Variants in DIAPH2 observed in about 807,000 individuals in gnomAD.
DIAPH2 encodes diaphanous related formin 2.
In DIAPH2, 35 loss-of-function variants were observed where a neutral mutation model predicts 92.7. The ratio of observed to expected loss-of-function variants is 0.38; its 90% CI spans 0.29 to 0.50. The LOEUF (loss-of-function observed/expected upper bound fraction) is 0.50, where lower values mean the gene tolerates loss of function less well. Among genes scored for constraint, DIAPH2 ranks in the 20% least tolerant of loss-of-function variants. The pLI is 0.94. For missense variants in DIAPH2, 701 were observed against 819.5 expected (o/e 0.86, Z 1.77); for synonymous variants, 301 against 280.4 (o/e 1.07, Z -0.73).
chrX:97,022,448 T>C (rs2066304660), intron 17 of DIAPH2, among the ~76,000 whole-genome samples: 1 of 112,066 alleles, frequency 8.9e-6, no homozygotes, highest in Admixed American at 9.5e-5. Flanking sequence ...CTGCATTAAT[T>C]CTCCAGGTAG....
At chrX:97,561,138 G>A (rs1286773091) in intron 26 of DIAPH2, among the ~76,000 whole-genome samples, 1 of 112,164 alleles carries the variant, frequency 8.9e-6, no homozygotes, top group African/African-American at 3.2e-5. Flanking sequence ...CGTATTTAAT[G>A]ATGTGTGTCA....
chrX:97,450,883 C>CTT (rs35721417), intron 26 of DIAPH2, among the ~76,000 whole-genome samples: 1,462 of 94,526 alleles, frequency 0.015, 31 homozygotes, highest in African/African-American at 0.049. Context: ...CAATGGGCTA[C>CTT]TTTTTTTTTT....
At chrX:96,967,424 A>ATTCATTCAT (rs1400696807) in intron 17 of DIAPH2, among the ~76,000 whole-genome samples, 11 of 109,154 alleles carry the variant, frequency 1.0e-4, no homozygotes, top group Admixed American at 2.0e-4. Flanking sequence ...TCATTCATTC[A>ATTCATTCAT]TTTATTCATT....
At chrX:97,515,422 G>T (rs976424461) in intron 26 of DIAPH2, among the ~76,000 whole-genome samples, 3 of 112,238 alleles carry the variant, frequency 2.7e-5, no homozygotes, top group African/African-American at 9.7e-5. Context: ...GCACTCCCTA[G>T]TGAGATGAAC....
At chrX:97,582,628 TTG>T (rs2071448376) in intron 26 of DIAPH2, among the ~76,000 whole-genome samples, 1 of 107,844 alleles carries the variant, frequency 9.3e-6, no homozygotes, top group Non-Finnish European at 1.9e-5. Flanking sequence ...CATTTCAGCT[TTG>T]GTGAATCTGA....
chrX:97,281,729 G>T (rs2068498368), intron 23 of DIAPH2, among the ~76,000 whole-genome samples: 1 of 106,988 alleles, frequency 9.3e-6, no homozygotes, highest in Non-Finnish European at 1.9e-5. Context: ...GGGCAACAAA[G>T]TGAGACTCCG....
intron 22 of DIAPH2, among the ~76,000 whole-genome samples, chrX:97,227,608 T>C (rs1602431505): frequency 1.8e-5 from 2 of 112,181 alleles, no homozygotes; most frequent in South Asian, 7.5e-4. Flanking sequence ...TGAAGACTTA[T>C]CTCAAACAGG....
chrX:97,260,302 A>G (rs1483068221), intron 23 of DIAPH2, among the ~76,000 whole-genome samples: 1 of 112,831 alleles, frequency 8.9e-6, no homozygotes, highest in Non-Finnish European at 1.9e-5. Context: ...GCTAAAAGAG[A>G]TAGACATTCA....
chrX:96,830,700 T>C (rs1292090691), intron 4 of DIAPH2, among the ~76,000 whole-genome samples: 1 of 109,892 alleles, frequency 9.1e-6, no homozygotes, highest in Non-Finnish European at 1.9e-5. Context: ...AAAAAGGATT[T>C]AACTTCAAAC....
intron 3 of DIAPH2, among the ~76,000 whole-genome samples, chrX:96,754,923 CAAAAA>C (rs1007573600): frequency 1.2e-4 from 2 of 16,007 alleles, no homozygotes; most frequent in Non-Finnish European, 2.1e-4. Flanking sequence ...GTCTCCACCT[CAAAAA>C]AAAAAAAAAA....
chrX:97,264,724 G>A (rs1326403154), intron 23 of DIAPH2, among the ~76,000 whole-genome samples: 3 of 112,097 alleles, frequency 2.7e-5, no homozygotes, highest in Non-Finnish European at 5.6e-5. Flanking sequence ...AGTGGCTCAC[G>A]CCTGTAATGC....
chrX:96,972,740 G>A (rs1285765748), intron 17 of DIAPH2, among the ~76,000 whole-genome samples: 1 of 111,049 alleles, frequency 9.0e-6, no homozygotes, highest in Admixed American at 9.6e-5. Context: ...TTAGAGTTGG[G>A]ACTTGAAATT....
intron 22 of DIAPH2, among the ~76,000 whole-genome samples, chrX:97,176,770 G>A (rs1322541476): frequency 1.8e-5 from 2 of 111,182 alleles, no homozygotes; most frequent in Middle Eastern, 4.7e-3. Context: ...CTCGTGATCC[G>A]CCTGCCTCGG....
intron 22 of DIAPH2, among the ~76,000 whole-genome samples, chrX:97,226,374 G>A (rs868657648): frequency 1.9e-5 from 2 of 105,553 alleles, no homozygotes; most frequent in African/African-American, 7.9e-5. Flanking sequence ...ATTTTGTTTT[G>A]TTTTGTTTTG....
In DIAPH2 at chrX:97,560,799, T is replaced by C. The variant is rs966419218; in HGVS notation, c.3242-38454T>C. On this transcript the variant is annotated intron_variant, in intron 26 of 26. Coordinates refer to ENST00000324765, the MANE Select transcript of DIAPH2 (RefSeq NM_006729.5). ...TGAGCCACCGTGCCCAGCCCAAATG[T>C]GTCATTTTAGATTTCACTTTCTTCT... Among the ~76,000 whole-genome samples the C allele has an allele frequency of 5.3e-5, 6 of 112,677 alleles. 1 individual carries two copies. The highest frequency in any genetic ancestry group is 2.8e-4 in the Admixed American group (3 of 10,703).
intron 17 of DIAPH2, among the ~76,000 whole-genome samples, chrX:97,055,571 G>A (rs1387200218): frequency 9.0e-6 from 1 of 111,016 alleles, no homozygotes; most frequent in Non-Finnish European, 1.9e-5. Context: ...CAACCCAGAG[G>A]GAAAAACCTG....
intron 3 of DIAPH2, among the ~76,000 whole-genome samples, chrX:96,756,808 C>T (rs1364593147): frequency 9.1e-6 from 1 of 110,309 alleles, no homozygotes; most frequent in African/African-American, 3.3e-5. Flanking sequence ...TCTAGTTATC[C>T]TAGTAGAAGT....
chrX:96,826,244 C>T (rs975905376), intron 4 of DIAPH2, among the ~76,000 whole-genome samples: 34 of 109,900 alleles, frequency 3.1e-4, no homozygotes, highest in Admixed American at 1.8e-3. Flanking sequence ...TGGTGAAACC[C>T]CATTTCTACT....
intron 17 of DIAPH2, among the ~76,000 whole-genome samples, chrX:97,043,851 G>T (rs991104380): frequency 8.9e-6 from 1 of 112,063 alleles, no homozygotes; most frequent in East Asian, 2.8e-4. Flanking sequence ...TTGCTGACTT[G>T]ATATAATTTT....
Sources: allele counts gnomAD v4.1 joint callset (sites outside exome capture counted in the v4.1 genomes callset), GRCh38; gene constraint gnomAD v4.1.1; transcripts MANE v1.5; gene names NCBI Gene and HGNC (gene_info 2026-07-23, HGNC 2026-07-21).